LONRF2: variants seen among roughly 807,000 people sequenced by gnomAD.
LONRF2 encodes the protein LON peptidase N-terminal domain and ring finger 2.
In LONRF2, 35 loss-of-function variants were observed where a neutral mutation model predicts 66.6. The ratio of observed to expected loss-of-function variants is 0.53; its 90% CI spans 0.40 to 0.70. The LOEUF (loss-of-function observed/expected upper bound fraction) is 0.70, where lower values mean the gene tolerates loss of function less well. Among genes scored for constraint, LONRF2 ranks in the 30% least tolerant of loss-of-function variants. The pLI is 0.00. For synonymous variants in LONRF2, 417 were observed against 418.1 expected (o/e 1.00, Z 0.03); for missense variants, 902 against 1,002.1 (o/e 0.90, Z 1.35).
chr2:100,320,968 G>T (rs1334450866), intron 1 of LONRF2, among the ~76,000 whole-genome samples: 1 of 152,210 alleles, frequency 6.6e-6, no homozygotes, highest in African/African-American at 2.4e-5. Context: ...ACAGCAGAGT[G>T]GAGGCGGTTC....
rs1573117444 is a variant in LONRF2 at position 100,299,931 on chromosome 2, G to A, written c.1066-13C>T. Reference sequence around the variant, plus strand: ...TCTCAGATGAATTCTGGTTAAGTGGGAAAAAAAGGAATCCTGAGTATTAAA... The same window carrying A: ...TCTCAGATGAATTCTGGTTAAGTGGAAAAAAAAGGAATCCTGAGTATTAAA... On this transcript the variant is annotated splice_polypyrimidine_tract_variant and intron_variant, in intron 4 of 11. Transcript: ENST00000393437. 2 of 1,380,120 alleles carry A rather than the reference G, an allele frequency of 1.4e-6. No individual in the cohort carries two copies. Among genetic ancestry groups the A allele is most frequent in the Non-Finnish European group, 9.7e-7 (1 of 1,025,820 alleles). 85.5% of individuals were successfully genotyped at this position (1,380,120 alleles called of 1,614,324 possible).
intron 10 of LONRF2, among the ~76,000 whole-genome samples, chr2:100,287,349 T>C (rs189462133): frequency 2.0e-5 from 3 of 152,356 alleles, no homozygotes; most frequent in East Asian, 3.9e-4. Context: ...TTGAGATACA[T>C]GCCAATTTAC....
At position 100,272,554 on chromosome 2, in the gene LONRF2, T is replaced by TA. The variant is rs569633654; in HGVS notation, c.*11743dup. Among the ~76,000 whole-genome samples, 1 of 150,144 alleles carries TA rather than the reference T, an allele frequency of 6.7e-6. No homozygotes were observed. Among genetic ancestry groups the TA allele is most frequent in the Non-Finnish European group, 1.5e-5 (1 of 67,624 alleles). Reference sequence around the variant, plus strand: ...AACAAACTAACCAGAGTATGTAGGTTAAAAAAAAGAAAAAAAAAGATGGGA... The same window carrying TA: ...AACAAACTAACCAGAGTATGTAGGTTAAAAAAAAAGAAAAAAAAAGATGGGA... On this transcript the variant is annotated 3_prime_UTR_variant, in exon 12 of 12. Transcript: ENST00000393437.
rs1204902392 is a variant in LONRF2 at position 100,321,808 on chromosome 2, C to G, written c.286G>C (p.Glu96Gln). 9.2e-7 allele frequency: 1 copy of G among 1,088,402 alleles called. No homozygotes were observed. Among genetic ancestry groups the G allele is most frequent in the South Asian group, 3.7e-5 (1 of 26,740 alleles). The allele number at this position is 1,088,402 out of a possible 1,614,324, so 67.4% of individuals were successfully genotyped here. A position where few individuals can be genotyped will look rare whatever the true frequency, so the allele number is the denominator to read the frequency against. ...CGCACCAGGCCGCCCGCCAGCTCTT[C>G]CAGCTCCTCCGGCCGCAGCGCCCCG... ...RLGALRPEELEELAGGLVRAV... is the reference protein window; with the variant it reads ...RLGALRPEELQELAGGLVRAV... Residue 96 changes from glutamate (E) to glutamine (Q), a missense_variant, in exon 1 of 12, where the codon GAA (glutamate) becomes CAA (glutamine). By Grantham distance (29) the Glu-to-Gln change is conservative. Around this residue, in one of 2 missense-constraint regions of LONRF2, gnomAD observed 585 missense variants for 569.9 expected, o/e 1.03. Transcript: ENST00000393437.
chr2:100,271,973 T>C lies in LONRF2; in HGVS notation c.*12325A>G, dbSNP rs1336104243. On this transcript the variant is annotated 3_prime_UTR_variant, in exon 12 of 12. Transcript: ENST00000393437. ...GAAGGAGTTAAGATTAGTCACTGCA[T>C]GAGGAAGCGGGAAAATGCCTGATCC... 1.3e-5 allele frequency among the ~76,000 whole-genome samples: 2 copies of C among 152,216 alleles called. No homozygotes were observed. Among genetic ancestry groups the C allele is most frequent in the African/African-American group, 4.8e-5 (2 of 41,462 alleles).
chr2:100,285,844 A>G (rs773614955), intron 11 of LONRF2, among the ~76,000 whole-genome samples: 1 of 152,206 alleles, frequency 6.6e-6, no homozygotes, highest in African/African-American at 2.4e-5. Flanking sequence ...AAGATAATAC[A>G]TATGTGTTGT....
In LONRF2 at chr2:100,302,920, C is replaced by A. The variant is rs1337357436; in HGVS notation, c.921+1G>T. 1.3e-6 allele frequency: 2 copies of A among 1,594,012 alleles called. No homozygotes were observed. Among genetic ancestry groups the A allele is most frequent in the Admixed American group, 1.7e-5 (1 of 57,844 alleles). On this transcript the variant is annotated splice_donor_variant, in intron 3 of 11. Coordinates refer to ENST00000393437, the MANE Select transcript of LONRF2 (RefSeq NM_198461.4). LOFTEE classifies it high-confidence loss of function. ...AGAAAGTCCTTTAACAGAACTCATA[C>A]CTTCTGTGCTTCTTTCTTCACAGAG...
Position 100,284,496 on chromosome 2 carries a change from C to T in LONRF2, c.2071-4G>A, listed in dbSNP as rs1674804806. The T allele has an allele frequency of 1.9e-6, 3 of 1,557,390 alleles. No individual in the cohort carries two copies. Among genetic ancestry groups the T allele is most frequent in the Non-Finnish European group, 2.6e-6 (3 of 1,150,998 alleles). On this transcript the variant is annotated splice_polypyrimidine_tract_variant and splice_region_variant and intron_variant, in intron 11 of 11. Transcript: ENST00000393437. ...AGGCAGGGCCGCTGGGATTACTCTGCAAAAGAGATGAGGGGAAAGCAAGGT... is the reference window on the plus strand; with the variant it reads ...AGGCAGGGCCGCTGGGATTACTCTGTAAAAGAGATGAGGGGAAAGCAAGGT...
Position 100,278,098 on chromosome 2 carries a change from A to G in LONRF2, c.*6200T>C, listed in dbSNP as rs555523003. The G allele has an allele frequency of 6.6e-6, 1 of 152,052 alleles. No individual in the cohort carries two copies. The highest frequency in any genetic ancestry group is 6.5e-5 in the Admixed American group (1 of 15,274). The allele number at this position is 152,052 out of a possible 1,614,324, so 9.4% of individuals were successfully genotyped here. On this transcript the variant is annotated 3_prime_UTR_variant, in exon 12 of 12. Coordinates refer to ENST00000393437, the MANE Select transcript of LONRF2 (RefSeq NM_198461.4). ...AGACACACAATGGTCTCCTCAAACA[A>G]CTCCATTTCAAATTCTGGTCTGCAA...
rs1447893815 is a variant in LONRF2, at chr2:100,321,766, C to A, written c.328G>T (p.Asp110Tyr). The stretch of plus-strand genomic sequence containing the variant: ...GGGTTCTCCGCGGACAGCGGCCGGT[C>A]GCGCAGGCCCACGGCGCGCACCAGG... ...GGLVRAVGLR[D>Y]RPLSAENPGG... The change falls in exon 1 of 12, where the codon GAC (aspartate) becomes TAC (tyrosine). Residue 110 changes from aspartate to tyrosine, a missense_variant. Physicochemically the swap from Asp to Tyr is radical, Grantham distance 160. Around this residue, in one of 2 missense-constraint regions of LONRF2, gnomAD observed 585 missense variants for 569.9 expected, o/e 1.03. Coordinates refer to ENST00000393437, the MANE Select transcript of LONRF2 (RefSeq NM_198461.4). 2.9e-6 allele frequency: 3 copies of A among 1,036,824 alleles called. No homozygotes were observed. Among genetic ancestry groups the A allele is most frequent in the South Asian group, 4.4e-5 (1 of 22,562 alleles). The allele number at this position is 1,036,824 out of a possible 1,614,324, so 64.2% of individuals were successfully genotyped here. A position where few individuals can be genotyped will look rare whatever the true frequency, so the allele number is the denominator to read the frequency against.
rs959027535 is a variant in LONRF2 at position 100,274,613 on chromosome 2, C to T, written c.*9685G>A. 3 of 152,254 alleles carry T rather than the reference C, an allele frequency of 2.0e-5. No individual in the cohort carries two copies. Among genetic ancestry groups the T allele is most frequent in the South Asian group, 2.1e-4 (1 of 4,830 alleles). 9.4% of individuals were successfully genotyped at this position (152,254 alleles called of 1,614,324 possible). A position where few individuals can be genotyped will look rare whatever the true frequency, so the allele number is the denominator to read the frequency against. ...CTAACCAACTCAGAGTCCATCTCCT[C>T]GATTTGACTCTTCCACTGCAGAAGG... On this transcript the variant is annotated 3_prime_UTR_variant, in exon 12 of 12. Coordinates refer to ENST00000393437, the MANE Select transcript of LONRF2 (RefSeq NM_198461.4).
At chr2:100,315,952 G>A (rs574719900) in intron 1 of LONRF2, among the ~76,000 whole-genome samples, 11 of 152,088 alleles carry the variant, frequency 7.2e-5, no homozygotes, top group African/African-American at 9.7e-5. Context: ...AAAACAGTAA[G>A]TTTCCCTCTA....
At chr2:100,290,487 T>C (rs1008519369) in intron 9 of LONRF2, 67 bp from the exon 10 acceptor site, 4 of 1,487,966 alleles carry the variant, frequency 2.7e-6, no homozygotes, top group Middle Eastern at 1.8e-4. Context: ...TTTCCCTGGA[T>C]GAGAGTTTAC....
chr2:100,287,306 A>G (rs1295979488), intron 10 of LONRF2, among the ~76,000 whole-genome samples: 1 of 152,232 alleles, frequency 6.6e-6, no homozygotes, highest in Non-Finnish European at 1.5e-5. Flanking sequence ...TGTAATTTTG[A>G]ATAATGTTCA....
chr2:100,305,952 C>T (rs1200705155), intron 2 of LONRF2, among the ~76,000 whole-genome samples: 2 of 151,948 alleles, frequency 1.3e-5, no homozygotes, highest in Non-Finnish European at 2.9e-5. Context: ...GAAGTGGTGC[C>T]ATCTCGGCTC....
At chr2:100,286,461 G>A (rs1339576003) in intron 11 of LONRF2, among the ~76,000 whole-genome samples, 1 of 152,180 alleles carries the variant, frequency 6.6e-6, no homozygotes, top group East Asian at 1.9e-4. Context: ...TGACAGCTGG[G>A]CAGCAGGGTA....
At chr2:100,286,587 T>C (rs1011860648) in intron 11 of LONRF2, among the ~76,000 whole-genome samples, 2 of 152,258 alleles carry the variant, frequency 1.3e-5, no homozygotes, top group Admixed American at 6.5e-5. Context: ...AAACGTGGAA[T>C]GTTCATGCCA....
At chr2:100,298,153 A>C (rs1675110294) in intron 7 of LONRF2, among the ~76,000 whole-genome samples, 1 of 152,220 alleles carries the variant, frequency 6.6e-6, no homozygotes, top group East Asian at 1.9e-4. Context: ...TCATGGCACT[A>C]ATAGGACCAC....
chr2:100,311,889 A>C (rs1403982744), intron 1 of LONRF2, among the ~76,000 whole-genome samples: 1 of 152,194 alleles, frequency 6.6e-6, no homozygotes, highest in Non-Finnish European at 1.5e-5. Flanking sequence ...GTCCTAGTAT[A>C]AGCTCTTCTT....
Sources: allele counts gnomAD v4.1 joint callset (sites outside exome capture counted in the v4.1 genomes callset), GRCh38; gene constraint gnomAD v4.1.1; regional missense constraint gnomAD v4.1.1; transcripts MANE v1.5; gene names NCBI Gene and HGNC (gene_info 2026-07-23, HGNC 2026-07-21).